The following EDEM1 variants were observed in gnomAD, a reference collection of about 807,000 sequenced individuals.
The protein encoded by EDEM1 is ER degradation enhancing alpha-mannosidase like protein 1.
A neutral mutation model predicts 74.4 loss-of-function variants in EDEM1; 67 were observed. That is an observed-to-expected ratio of 0.90 (90% CI 0.74 to 1.10). EDEM1 has a LOEUF of 1.10. Among genes scored for constraint, EDEM1 ranks in the 50% least tolerant of loss-of-function variants. The pLI is 0.00. For synonymous variants in EDEM1, 382 were observed against 335.9 expected, an observed-to-expected ratio of 1.14 and a Z score of -1.50; for missense variants, 926 against 851.6, an observed-to-expected ratio of 1.09 and a Z score of -1.09.
At chr3:5,214,890 C>T (rs1253139342) in intron 11 of EDEM1, among the ~76,000 whole-genome samples, 1 of 152,172 alleles carries the variant, frequency 6.6e-6, no homozygotes, top group Non-Finnish European at 1.5e-5. Flanking sequence ...GAATCCACTT[C>T]CATCCTAGGC....
At chr3:5,197,366 T>A (rs1408825445) in intron 2 of EDEM1, among the ~76,000 whole-genome samples, 1 of 152,128 alleles carries the variant, frequency 6.6e-6, no homozygotes, top group East Asian at 1.9e-4. Context: ...AGTCCTACAG[T>A]CAAACAAACA....
At chr3:5,211,885 T>C (rs1389359330) in intron 10 of EDEM1, among the ~76,000 whole-genome samples, 10 of 152,200 alleles carry the variant, frequency 6.6e-5, no homozygotes, top group Non-Finnish European at 1.5e-4. Flanking sequence ...ATCTCACCGC[T>C]CTGCCTCGTG....
At chr3:5,211,505 C>G in intron 10 of EDEM1, 2 of 324,276 alleles carry the variant, frequency 6.2e-6, no homozygotes, top group Non-Finnish European at 1.2e-5. Flanking sequence ...CTGTATCTAA[C>G]TACAGGTGGT....
intron 11 of EDEM1, among the ~76,000 whole-genome samples, chr3:5,214,372 G>A (rs560658067): frequency 2.0e-5 from 3 of 152,330 alleles, no homozygotes; most frequent in East Asian, 3.9e-4. Context: ...CTGTGCTTCA[G>A]TGCTTTTCCG....
At chr3:5,198,762 C>G (rs1443782586) in intron 2 of EDEM1, among the ~76,000 whole-genome samples, 1 of 146,202 alleles carries the variant, frequency 6.8e-6, no homozygotes, top group Non-Finnish European at 1.5e-5. Context: ...TGACTTTTCC[C>G]TTTGGCTTAG....
rs2055287637 is a variant in EDEM1 at position 5,219,522 on chromosome 3, C to G, written c.*3604C>G. The G allele has an allele frequency of 6.6e-6, 1 of 152,188 alleles. No individual in the cohort carries two copies. The highest frequency in any genetic ancestry group is 6.5e-5 in the Admixed American group (1 of 15,282). 9.4% of individuals were successfully genotyped at this position (152,188 alleles called of 1,614,324 possible). On this transcript the variant is annotated 3_prime_UTR_variant, in exon 12 of 12. Coordinates refer to ENST00000256497, the MANE Select transcript of EDEM1 (RefSeq NM_014674.3). ...CTCAGGGTTATGCTCCCGCTTGAAT[C>G]TGGACGTGAATCTGGTAAAAATATC... is the stretch of plus-strand genomic sequence containing the variant.
chr3:5,210,098 C>T lies in EDEM1; in HGVS notation c.1510-77C>T, dbSNP rs189315538. The T allele has an allele frequency of 2.9e-4, 380 of 1,306,904 alleles. 4 individuals are homozygous for T. The African/African-American group carries it at 4.9e-3, about 17-fold the overall frequency. The allele number at this position is 1,306,904 out of a possible 1,614,324, so 81.0% of individuals were successfully genotyped here. On this transcript the variant is annotated intron_variant, in intron 8 of 11. Transcript: ENST00000256497. ...GGCGACTCGTCTCCATGGGGAAGCC[C>T]CGCAGTCACCATGATGTTTGTCGAT...
rs2055235931 is a variant in EDEM1, at chr3:5,216,330, G to A, written c.*412G>A. On this transcript the variant is annotated 3_prime_UTR_variant, in exon 12 of 12. Transcript: ENST00000256497. ...TTATATTTTATTTTTTTGAGACAGG[G>A]TCTTGATATTTTTTTGGGACAGGGT... 6.5e-6 allele frequency: 1 copy of A among 153,546 alleles called. No individual in the cohort carries two copies. The highest frequency in any genetic ancestry group is 1.4e-5 in the Non-Finnish European group (1 of 69,120). 9.5% of individuals were successfully genotyped at this position (153,546 alleles called of 1,614,324 possible).
chr3:5,210,337 AT>A, intron 9 of EDEM1, 89 bp downstream of exon 9: 1 of 1,253,388 alleles, frequency 8.0e-7, no homozygotes, highest in Non-Finnish European at 1.2e-6. Context: ...TTGCATTTTA[AT>A]TTATAGAACC....
rs1334594917 is a variant in EDEM1 at position 5,217,258 on chromosome 3, C to T, written c.*1340C>T. Reference sequence around the variant, plus strand: ...TAGCCAGAACATCTCTCTTTGAACTCACACTGATACACACCTGCTACTCTT... The same window carrying T: ...TAGCCAGAACATCTCTCTTTGAACTTACACTGATACACACCTGCTACTCTT... On this transcript the variant is annotated 3_prime_UTR_variant, in exon 12 of 12. Coordinates refer to ENST00000256497, the MANE Select transcript of EDEM1 (RefSeq NM_014674.3). The T allele has an allele frequency of 1.3e-5, 2 of 152,618 alleles. No individual in the cohort carries two copies. The highest frequency in any genetic ancestry group is 2.9e-5 in the Non-Finnish European group (2 of 68,032). 9.5% of individuals were successfully genotyped at this position (152,618 alleles called of 1,614,324 possible). A position where few individuals can be genotyped will look rare whatever the true frequency, so the allele number is the denominator to read the frequency against.
At chr3:5,210,128 T>C (rs2055150511) in intron 8 of EDEM1, 47 bp from the exon 9 acceptor site, 2 of 1,549,142 alleles carry the variant, frequency 1.3e-6, no homozygotes, top group South Asian at 1.1e-5. Context: ...GTCGATGGCA[T>C]GTCTTCCAAG....
intron 11 of EDEM1, among the ~76,000 whole-genome samples, chr3:5,215,293 G>A (rs142383176): frequency 6.0e-5 from 9 of 150,816 alleles, no homozygotes; most frequent in African/African-American, 1.2e-4. Context: ...AAAAGTGGTG[G>A]GGGTGGGGGG....
Position 5,187,746 on chromosome 3 carries a change from G to T in EDEM1, c.-60G>T. 6.9e-7 allele frequency: 1 copy of T among 1,453,586 alleles called. No homozygotes were observed. Among genetic ancestry groups the T allele is most frequent in the South Asian group, 1.4e-5 (1 of 73,838 alleles). 90.0% of individuals were successfully genotyped at this position (1,453,586 alleles called of 1,614,324 possible). ...CCGGGCTACGGGGCGAGCGCGGGGTGCGGTGGTCGGCGGGGAGGCCCCCGC... is the reference window on the plus strand; with the variant it reads ...CCGGGCTACGGGGCGAGCGCGGGGTTCGGTGGTCGGCGGGGAGGCCCCCGC... On this transcript the variant is annotated 5_prime_UTR_variant, in exon 1 of 12. Transcript: ENST00000256497.
At position 5,200,151 on chromosome 3, in the gene EDEM1, C is replaced by T. The variant is rs148879047; in HGVS notation, c.686+456C>T. Among the ~76,000 whole-genome samples, 20 of 152,214 alleles carry T rather than the reference C, an allele frequency of 1.3e-4. No individual in the cohort carries two copies. The East Asian group carries it at 2.7e-3, about 21-fold the overall frequency. ...TTCACCATGTTGGCCAGGCTGGTCT[C>T]GAACTCCTGACCTCAAGTGATCCGC... On this transcript the variant is annotated intron_variant, in intron 3 of 11. Transcript: ENST00000256497.
intron 11 of EDEM1, 97 bp downstream of exon 11, chr3:5,213,619 G>A (rs1454969564): frequency 1.9e-5 from 23 of 1,215,686 alleles, no homozygotes; most frequent in Non-Finnish European, 2.4e-5. Context: ...AATTGATGGT[G>A]TATGCAGATT....
chr3:5,208,724 T>G (rs1174156616), intron 8 of EDEM1, among the ~76,000 whole-genome samples: 1 of 151,856 alleles, frequency 6.6e-6, no homozygotes, highest in Non-Finnish European at 1.5e-5. Context: ...GGATGCCTGT[T>G]TTTGTTTAAT....
At chr3:5,195,939 A>C (rs1278932955) in intron 2 of EDEM1, among the ~76,000 whole-genome samples, 4 of 152,218 alleles carry the variant, frequency 2.6e-5, no homozygotes, top group Admixed American at 6.5e-5. Flanking sequence ...CATCTGCTTC[A>C]CCTTTTGCCA....
intron 8 of EDEM1, among the ~76,000 whole-genome samples, chr3:5,209,256 C>G (rs1327125500): frequency 6.6e-6 from 1 of 152,126 alleles, no homozygotes; most frequent in African/African-American, 2.4e-5. Context: ...TAGGTAACCT[C>G]TCAAAAAAGG....
chr3:5,199,826 T>G, intron 3 of EDEM1, 131 bp downstream of exon 3: 1 of 605,992 alleles, frequency 1.7e-6, no homozygotes, highest in Non-Finnish European at 2.8e-6. Context: ...GGGTGCAGTG[T>G]GCATTTTTCA....
Sources: gnomAD v4.1 joint callset for allele counts (sites outside exome capture counted in the v4.1 genomes callset) on GRCh38, gnomAD v4.1.1 for gene constraint, MANE v1.5 for transcripts, NCBI Gene and HGNC (gene_info 2026-07-23, HGNC 2026-07-21) for gene names.